The following OC90 variants were observed in gnomAD, a reference collection of about 807,000 sequenced individuals.
OC90 encodes otoconin 90, also known as otoconin-90.
Under a neutral mutation model 47.3 loss-of-function variants are expected in OC90, and 46 were observed. The observed-to-expected ratio is 0.97, with a 90% CI of 0.77 to 1.24. The LOEUF is 1.24. Ranked by LOEUF, OC90 falls within the 50% of genes most tolerant of loss-of-function variation. The probability of loss-of-function intolerance (pLI) is 0.00; values close to 1 mark genes in which losing one functional copy is unlikely to be tolerated. For missense variants in OC90, 688 were observed against 583.9 expected (o/e 1.18, Z -1.84); for synonymous variants, 271 against 219.5 (o/e 1.23, Z -2.07).
chr8:132,049,906 T>C (rs1480864951), intron 2 of OC90: 1 of 498,322 alleles, frequency 2.0e-6, no homozygotes, highest in East Asian at 5.6e-5. Context: ...TTCCATTATT[T>C]TGAACTATTT....
intron 4 of OC90, among the ~76,000 whole-genome samples, chr8:132,043,545 A>G (rs190213891): frequency 6.6e-6 from 1 of 152,328 alleles, no homozygotes; most frequent in Non-Finnish European, 1.5e-5. Flanking sequence ...TGAGTGCTGC[A>G]TGGGTTACCC....
chr8:132,044,323 G>A, intron 4 of OC90, 110 bp downstream of exon 4: 1 of 670,436 alleles, frequency 1.5e-6, no homozygotes. Context: ...GGTAGCTGTG[G>A]AGGCCATGGG....
chr8:132,032,304 C>T (rs915451809), intron 11 of OC90, among the ~76,000 whole-genome samples: 1 of 152,134 alleles, frequency 6.6e-6, no homozygotes, highest in Non-Finnish European at 1.5e-5. Flanking sequence ...CTTATTAAAT[C>T]CCCTTAAGGG....
At chr8:132,052,797 T>C (rs1003142941) in intron 2 of OC90, among the ~76,000 whole-genome samples, 10 of 152,204 alleles carry the variant, frequency 6.6e-5, no homozygotes, top group Admixed American at 5.9e-4. Flanking sequence ...GACACTGCAC[T>C]TTGCAGGCAT....
intron 8 of OC90, among the ~76,000 whole-genome samples, chr8:132,037,874 G>GC (rs1822992700): frequency 6.6e-6 from 1 of 152,296 alleles, no homozygotes; most frequent in South Asian, 2.1e-4. Context: ...GATATGACAT[G>GC]CACATAAGCA....
chr8:132,032,948 G>A, intron 11 of OC90, 91 bp downstream of exon 11: 1 of 1,398,384 alleles, frequency 7.2e-7, no homozygotes, highest in South Asian at 1.3e-5. Flanking sequence ...CCATGAGAAG[G>A]TCACAGTGTG....
intron 12 of OC90, 44 bp downstream of exon 12, chr8:132,031,837 A>G: frequency 1.3e-6 from 2 of 1,551,020 alleles, no homozygotes. Flanking sequence ...TGCAGACAGC[A>G]TCAGCACTAC....
intron 6 of OC90, among the ~76,000 whole-genome samples, chr8:132,040,395 A>G (rs565453843): frequency 3.9e-5 from 6 of 152,338 alleles, no homozygotes; most frequent in African/African-American, 1.4e-4. Context: ...AGGAACCCCT[A>G]CATGCTGTGT....
At position 132,026,237 on chromosome 8, in the gene OC90, T is replaced by TA. The variant is rs558202231; in HGVS notation, c.1139-1462dup. On this transcript the variant is annotated intron_variant, in intron 13 of 13. Coordinates refer to ENST00000254627, the MANE Select transcript of OC90 (RefSeq NM_001080399.3). ...ATAATATCTTTGAAGGTTCTACACA[T>TA]ACATAAGTTTCTACAAATATTATCC... Among the ~76,000 whole-genome samples, 509 of 152,232 alleles carry TA rather than the reference T, an allele frequency of 3.3e-3. 2 individuals are homozygous for TA. Among genetic ancestry groups the TA allele is most frequent in the Middle Eastern group, 0.014 (4 of 294 alleles).
At chr8:132,033,597 T>A (rs1334062685) in intron 10 of OC90, among the ~76,000 whole-genome samples, 1 of 152,222 alleles carries the variant, frequency 6.6e-6, no homozygotes, top group African/African-American at 2.4e-5. Context: ...TATTTCCTTT[T>A]TCAAGTGCAG....
In OC90 at chr8:132,038,807, G is replaced by A. The variant is rs1823007606; in HGVS notation, c.611C>T (p.Thr204Ile). The change falls in exon 8 of 14, where the codon ACA (threonine) becomes ATA (isoleucine). Residue 204 changes from threonine (T) to isoleucine (I), a missense_variant. By Grantham distance (89) the Thr-to-Ile change is moderately conservative (BLOSUM62 -1). Transcript: ENST00000254627. ...TPETTIKEDL[T>I]TLLPRVVPVE... ...GGCCTTACCTCTGGGCAGAAGTGTTGTCAAGTCTTCCTTGATGGTTGTCTC... is the reference window on the plus strand; with the variant it reads ...GGCCTTACCTCTGGGCAGAAGTGTTATCAAGTCTTCCTTGATGGTTGTCTC... The A allele has an allele frequency of 2.5e-6, 4 of 1,613,876 alleles. 1 individual carries two copies. The highest frequency in any genetic ancestry group is 2.2e-5 in the South Asian group (2 of 91,052).
At position 132,029,069 on chromosome 8, in the gene OC90, T is replaced by A. The variant is rs1563727969; in HGVS notation, c.1138+4A>T. 2.5e-6 allele frequency: 4 copies of A among 1,605,790 alleles called. No individual in the cohort carries two copies. The highest frequency in any genetic ancestry group is 2.6e-6 in the Non-Finnish European group (3 of 1,172,482). On this transcript the variant is annotated splice_donor_region_variant and intron_variant, in intron 13 of 13. Transcript: ENST00000254627. ...TAACTCAATGTGCAACCAACAGCAC[T>A]TACACTTGGGCGTATGATCCACACA...
At chr8:132,045,673 C>A (rs995583204) in intron 3 of OC90, 145 bp downstream of exon 3, 14 of 577,764 alleles carry the variant, frequency 2.4e-5, no homozygotes, top group Admixed American at 1.6e-4. Context: ...TGGGGAGATG[C>A]TTTTGAGTCC....
rs1223824708 is a variant in OC90 at position 132,034,779 on chromosome 8, A to T, written c.733+2T>A. 1 of 1,607,896 alleles carries T rather than the reference A, an allele frequency of 6.2e-7. No individual in the cohort carries two copies. The highest frequency in any genetic ancestry group is 8.5e-7 in the Non-Finnish European group (1 of 1,175,152). ...TAGGCAGGTGGAGCCCAGTAGGCTT[A>T]CCTGGAGGGGACGTAGCCCTAGCAG... On this transcript the variant is annotated splice_donor_variant, in intron 10 of 13. Transcript: ENST00000254627. LOFTEE classifies it high-confidence loss of function.
chr8:132,033,547 C>T (rs1160537734), intron 10 of OC90, among the ~76,000 whole-genome samples: 1 of 152,194 alleles, frequency 6.6e-6, no homozygotes, highest in African/African-American at 2.4e-5. Context: ...ACTCATGATA[C>T]ACAACAAGGT....
intron 9 of OC90, among the ~76,000 whole-genome samples, chr8:132,036,852 G>C (rs1437310783): frequency 5.3e-5 from 8 of 152,206 alleles, no homozygotes; most frequent in African/African-American, 9.7e-5. Context: ...CATTAAATTA[G>C]ATTATGTATT....
intron 13 of OC90, among the ~76,000 whole-genome samples, chr8:132,028,637 A>AG (rs1822808951): frequency 9.4e-6 from 1 of 106,426 alleles, no homozygotes; most frequent in Non-Finnish European, 2.0e-5. Flanking sequence ...AAGGAAGGAA[A>AG]GAAAGGAAGG....
At position 132,024,456 on chromosome 8, in the gene OC90, G is replaced by A. The variant is rs554591327; in HGVS notation, c.*25C>T. 6 of 1,510,502 alleles carry A rather than the reference G, an allele frequency of 4.0e-6. No homozygotes were observed. In the South Asian group the frequency reaches 7.9e-5, roughly 20 times the overall value. The allele number at this position is 1,510,502 out of a possible 1,614,324, so 93.6% of individuals were successfully genotyped here. A position where few individuals can be genotyped will look rare whatever the true frequency, so the allele number is the denominator to read the frequency against. On this transcript the variant is annotated 3_prime_UTR_variant, in exon 14 of 14. Coordinates refer to ENST00000254627, the MANE Select transcript of OC90 (RefSeq NM_001080399.3). ...GTGGAGCAGGAGCCACGCTACTGAA[G>A]GTGTTAGCCATTTTCTCTGGGCATC...
At chr8:132,036,452 G>A (rs763492523) in intron 9 of OC90, 2 of 779,890 alleles carry the variant, frequency 2.6e-6, no homozygotes, top group African/African-American at 1.7e-5. Context: ...TTAATGATCA[G>A]TTCAGCTAGG....
Sources: allele counts gnomAD v4.1 joint callset (sites outside exome capture counted in the v4.1 genomes callset), GRCh38; gene constraint gnomAD v4.1.1; transcripts MANE v1.5; gene names NCBI Gene and HGNC (gene_info 2026-07-23, HGNC 2026-07-21).